The following MAPK8 variants were observed in gnomAD, a reference collection of about 807,000 sequenced individuals.
MAPK8 encodes the protein mitogen-activated protein kinase 8, also known as JUN N-terminal kinase.
Under a neutral mutation model 52.9 loss-of-function variants are expected in MAPK8, and 13 were observed. The observed-to-expected ratio is 0.25, with a 90% CI of 0.16 to 0.39. The LOEUF is 0.39. Ranked by LOEUF, MAPK8 falls within the 10% of genes least tolerant of loss-of-function variation. The pLI, the probability that MAPK8 is intolerant of heterozygous loss-of-function variation, is 1.00. For missense variants in MAPK8, 300 were observed against 519.2 expected, an observed-to-expected ratio of 0.58 and a Z score of 4.10; for synonymous variants, 191 against 169.8, an observed-to-expected ratio of 1.12 and a Z score of -0.97.
intron 1 of MAPK8, among the ~76,000 whole-genome samples, chr10:48,362,308 A>G (rs1037397175): frequency 4.6e-5 from 7 of 152,116 alleles, no homozygotes; most frequent in Admixed American, 2.6e-4. Flanking sequence ...TTTTCAGGCC[A>G]GATTCTTAGC....
chr10:48,348,567 G>A (rs1303008006), intron 1 of MAPK8, among the ~76,000 whole-genome samples: 1 of 152,106 alleles, frequency 6.6e-6, no homozygotes. Context: ...TTTTGTATAA[G>A]GTGTAAGGAA....
intron 1 of MAPK8, among the ~76,000 whole-genome samples, chr10:48,400,078 G>T (rs568518323): frequency 2.6e-5 from 4 of 152,336 alleles, no homozygotes; most frequent in African/African-American, 9.6e-5. Flanking sequence ...AGGGAATTCA[G>T]GTTATGGTAG....
chr10:48,322,207 A>C (rs1052768288), intron 1 of MAPK8, among the ~76,000 whole-genome samples: 1 of 152,142 alleles, frequency 6.6e-6, no homozygotes, highest in East Asian at 1.9e-4. Flanking sequence ...TAGAACAGCT[A>C]TGGGAATTCC....
Position 48,435,192 on chromosome 10 carries a change from A to G in MAPK8, c.*163A>G, listed in dbSNP as rs2044756951. The G allele has an allele frequency of 3.8e-6, 2 of 528,366 alleles. No individual in the cohort carries two copies. The highest frequency in any genetic ancestry group is 6.3e-5 in the East Asian group (2 of 31,624). 32.7% of individuals were successfully genotyped at this position (528,366 alleles called of 1,614,324 possible). A position where few individuals can be genotyped will look rare whatever the true frequency, so the allele number is the denominator to read the frequency against. ...ATTTTTTTTAATTTCAAGTGATGTAATTTAAAACCTAAGTTGTGTTTCAAA... is the reference window on the plus strand; with the variant it reads ...ATTTTTTTTAATTTCAAGTGATGTAGTTTAAAACCTAAGTTGTGTTTCAAA... On this transcript the variant is annotated 3_prime_UTR_variant, in exon 12 of 12. Transcript: ENST00000374189.
intron 1 of MAPK8, among the ~76,000 whole-genome samples, chr10:48,334,927 A>G (rs973155682): frequency 1.9e-4 from 29 of 152,062 alleles, no homozygotes; most frequent in Non-Finnish European, 3.8e-4. Flanking sequence ...TGGGGTTACA[A>G]TCTTCCCAGA....
chr10:48,407,556 T>C (rs2042538744), intron 3 of MAPK8, among the ~76,000 whole-genome samples: 1 of 152,162 alleles, frequency 6.6e-6, no homozygotes, highest in South Asian at 2.1e-4. Context: ...TTATTTCCCT[T>C]TTTGAAAAAT....
At chr10:48,389,371 A>G (rs2041498979) in intron 1 of MAPK8, among the ~76,000 whole-genome samples, 1 of 152,130 alleles carries the variant, frequency 6.6e-6, no homozygotes, top group Non-Finnish European at 1.5e-5. Context: ...CACTATGAGC[A>G]CTCACCTTAA....
intron 1 of MAPK8, among the ~76,000 whole-genome samples, chr10:48,380,690 G>T (rs555536555): frequency 3.2e-4 from 48 of 152,292 alleles, no homozygotes; most frequent in African/African-American, 1.1e-3. Flanking sequence ...CCAAGATCAC[G>T]CCAGTGCGCT....
intron 1 of MAPK8, among the ~76,000 whole-genome samples, chr10:48,352,122 G>A (rs1846398672): frequency 6.6e-6 from 1 of 152,166 alleles, no homozygotes; most frequent in Non-Finnish European, 1.5e-5. Flanking sequence ...TTTGAATAGT[G>A]CTACAACTTA....
At chr10:48,373,598 A>AG (rs2040464217) in intron 1 of MAPK8, among the ~76,000 whole-genome samples, 1 of 147,418 alleles carries the variant, frequency 6.8e-6, no homozygotes, top group Non-Finnish European at 1.5e-5. Context: ...AAAAAAAAAA[A>AG]GCCAGGGTTG....
At chr10:48,394,426 GGGTGGTTTAACATTTGAAA>G (rs1838527462) in intron 1 of MAPK8, among the ~76,000 whole-genome samples, 2 of 151,858 alleles carry the variant, frequency 1.3e-5, no homozygotes, top group South Asian at 4.1e-4. Context: ...ATGAATGCAA[GGGTGGTTTAACATTTGAAA>G]ATCAATCAGT....
intron 1 of MAPK8, among the ~76,000 whole-genome samples, chr10:48,326,491 C>T (rs1843535764): frequency 6.6e-6 from 1 of 152,112 alleles, no homozygotes; most frequent in South Asian, 2.1e-4. Flanking sequence ...CTAAGGAGCA[C>T]TGTTTCCTTT....
chr10:48,409,864 C>A lies in MAPK8; in HGVS notation c.253-15C>A. On this transcript the variant is annotated splice_polypyrimidine_tract_variant and intron_variant, in intron 3 of 11. Coordinates refer to ENST00000374189, the MANE Select transcript of MAPK8 (RefSeq NM_001323329.2). ...AGTAATTTCTAATTTTTCTGTCTCTCGACTTTTATTATAGATAATTGGCCT... is the reference window on the plus strand; with the variant it reads ...AGTAATTTCTAATTTTTCTGTCTCTAGACTTTTATTATAGATAATTGGCCT... The A allele has an allele frequency of 6.3e-7, 1 of 1,577,330 alleles. No homozygotes were observed. The highest frequency in any genetic ancestry group is 1.2e-5 in the South Asian group (1 of 86,706).
chr10:48,379,446 C>T (rs2040858478), intron 1 of MAPK8, among the ~76,000 whole-genome samples: 1 of 152,098 alleles, frequency 6.6e-6, no homozygotes, highest in Non-Finnish European at 1.5e-5. Flanking sequence ...GAAAATATTG[C>T]ACTTATACAA....
At chr10:48,349,713 A>G (rs1846120959) in intron 1 of MAPK8, among the ~76,000 whole-genome samples, 1 of 152,182 alleles carries the variant, frequency 6.6e-6, no homozygotes. Flanking sequence ...TAAAAGAACT[A>G]GAGAAGCAAG....
chr10:48,396,443 A>G (rs1415256557), intron 1 of MAPK8, among the ~76,000 whole-genome samples: 1 of 152,214 alleles, frequency 6.6e-6, no homozygotes, highest in Admixed American at 6.5e-5. Context: ...TACTGGCAAA[A>G]CGAAGAGTTG....
chr10:48,397,648 T>C (rs992066821), intron 1 of MAPK8, among the ~76,000 whole-genome samples: 2 of 152,238 alleles, frequency 1.3e-5, no homozygotes, highest in Admixed American at 1.3e-4. Flanking sequence ...TGGAGTGCAG[T>C]GGTACGATCT....
Position 48,378,865 on chromosome 10 carries a change from A to G in MAPK8, c.-49-22747A>G, listed in dbSNP as rs1472295096. On this transcript the variant is annotated intron_variant, in intron 1 of 11. Coordinates refer to ENST00000374189, the MANE Select transcript of MAPK8 (RefSeq NM_001323329.2). ...ATTGCAGCCTTGAATTCCTGGGCTC[A>G]AGTGATCCTCCACCTCAGCCGTGAG... Among the ~76,000 whole-genome samples, 3 of 152,162 alleles carry G rather than the reference A, an allele frequency of 2.0e-5. No homozygotes were observed. The East Asian group carries it at 5.8e-4, about 29-fold the overall frequency.
chr10:48,397,554 T>G (rs1198501982), intron 1 of MAPK8, among the ~76,000 whole-genome samples: 1 of 152,124 alleles, frequency 6.6e-6, no homozygotes, highest in African/African-American at 2.4e-5. Flanking sequence ...AGGGATGGCA[T>G]GAAGATGTTT....
Sources: allele counts gnomAD v4.1 joint callset (sites outside exome capture counted in the v4.1 genomes callset), GRCh38; gene constraint gnomAD v4.1.1; transcripts MANE v1.5; gene names NCBI Gene and HGNC (gene_info 2026-07-23, HGNC 2026-07-21).